TMEM169: variants seen among roughly 807,000 people sequenced by gnomAD.
TMEM169 encodes transmembrane protein 169.
TMEM169 carries 18 observed loss-of-function variants against 27.3 expected under a neutral mutation model. The observed-to-expected ratio is 0.66, with a 90% confidence interval of 0.46 to 0.98. The LOEUF (loss-of-function observed/expected upper bound fraction) is 0.98, where lower values mean the gene tolerates loss of function less well. Among genes scored for constraint, TMEM169 ranks in the 50% least tolerant of loss-of-function variants. The pLI, the probability that TMEM169 is intolerant of heterozygous loss-of-function variation, is 0.00. For missense variants in TMEM169, 320 were observed against 368.6 expected (o/e 0.87, Z 1.08); for synonymous variants, 136 against 142.1 (o/e 0.96, Z 0.30).
Position 216,100,918 on chromosome 2 carries a change from A to T in TMEM169, c.*376A>T. On this transcript the variant is annotated 3_prime_UTR_variant, in exon 3 of 3. Transcript: ENST00000437356. ...AACCTCGGGGTAACCAAATCCACCAAGATAATAGACAGGGATGGAGTGAGA... is the reference window on the plus strand; with the variant it reads ...AACCTCGGGGTAACCAAATCCACCATGATAATAGACAGGGATGGAGTGAGA... 3.3e-6 allele frequency: 1 copy of T among 302,492 alleles called. No individual in the cohort carries two copies. The allele number at this position is 302,492 out of a possible 1,614,324, so 18.7% of individuals were successfully genotyped here. A position where few individuals can be genotyped will look rare whatever the true frequency, so the allele number is the denominator to read the frequency against.
At chr2:216,097,211 G>A (rs1041641603) in intron 2 of TMEM169, among the ~76,000 whole-genome samples, 12 of 152,192 alleles carry the variant, frequency 7.9e-5, no homozygotes, top group East Asian at 1.9e-4. Flanking sequence ...ATTTGTTGAA[G>A]CTAATGCAAC....
chr2:216,099,274 ATGGTGTG>A lies in TMEM169; in HGVS notation c.272-629_272-623del, dbSNP rs370702873. On this transcript the variant is annotated intron_variant, in intron 2 of 2. Transcript: ENST00000437356. The surrounding 1 kb of genome is among the most constrained non-coding windows in gnomAD (Gnocchi z 5.0). ...TGTGTATGTGGTATGTGTGATGTGC[ATGGTGTG>A]TGGTGTGTGGTGTGTGTATGGGATA... is the stretch of plus-strand genomic sequence containing the variant. Among the ~76,000 whole-genome samples, 1,078 of 143,722 alleles carry A rather than the reference ATGGTGTG, an allele frequency of 7.5e-3. 7 individuals are homozygous for A. Among genetic ancestry groups the A allele is most frequent in the African/African-American group, 0.026 (1,016 of 38,622 alleles). The allele number at this position is 143,722 out of a possible 152,430, so 94.3% of individuals were successfully genotyped here. A position where few individuals can be genotyped will look rare whatever the true frequency, so the allele number is the denominator to read the frequency against.
chr2:216,083,380 G>T (rs1448140394), intron 1 of TMEM169, among the ~76,000 whole-genome samples: 2 of 152,104 alleles, frequency 1.3e-5, no homozygotes, highest in African/African-American at 2.4e-5. Flanking sequence ...TTAAGGAAAA[G>T]AAATATTGAT....
chr2:216,090,711 A>G (rs1233565264), intron 1 of TMEM169, among the ~76,000 whole-genome samples: 1 of 152,236 alleles, frequency 6.6e-6, no homozygotes, highest in Non-Finnish European at 1.5e-5. Context: ...CCACCCAGCT[A>G]AGGCACTCCC....
intron 1 of TMEM169, among the ~76,000 whole-genome samples, chr2:216,087,190 C>A (rs557184566): frequency 6.8e-4 from 103 of 152,152 alleles, no homozygotes; most frequent in African/African-American, 2.4e-3. Context: ...GGGAAAATTG[C>A]TACTGAATCC....
At chr2:216,085,892 A>T (rs1695984295) in intron 1 of TMEM169, among the ~76,000 whole-genome samples, 1 of 151,996 alleles carries the variant, frequency 6.6e-6, no homozygotes, top group Admixed American at 6.6e-5. Flanking sequence ...AACAAAAACA[A>T]AAAAAGAATT....
At chr2:216,093,274 C>T (rs1165850561) in intron 1 of TMEM169, among the ~76,000 whole-genome samples, 2 of 151,600 alleles carry the variant, frequency 1.3e-5, no homozygotes, top group Non-Finnish European at 1.5e-5. Flanking sequence ...GTAGAAGAGC[C>T]CTGGTCAAGC....
intron 1 of TMEM169, among the ~76,000 whole-genome samples, chr2:216,094,508 G>A (rs918091619): frequency 6.6e-6 from 1 of 152,050 alleles, no homozygotes; most frequent in East Asian, 1.9e-4. Context: ...GCCATTAACG[G>A]GCTGTTAACT....
In TMEM169 at chr2:216,098,631, C is replaced by T. The variant is rs567893191; in HGVS notation, c.272-1289C>T. On this transcript the variant is annotated intron_variant, in intron 2 of 2. Transcript: ENST00000437356. ...GAGTCCACAGGGCCCAAGGTCCATGCCTGCCTAAAGGCTGTATTTTCCCAT... is the reference window on the plus strand; with the variant it reads ...GAGTCCACAGGGCCCAAGGTCCATGTCTGCCTAAAGGCTGTATTTTCCCAT... Among the ~76,000 whole-genome samples the T allele has an allele frequency of 2.0e-5, 3 of 152,186 alleles. No homozygotes were observed. The South Asian group carries it at 6.2e-4, about 32-fold the overall frequency.
At position 216,096,107 on chromosome 2, in the gene TMEM169, C is replaced by G; in HGVS notation, c.144C>G (p.Arg48=). ...GHRKKKRKES[R]PESIIIYRSD... is the part of the protein sequence containing the mutation. ...GGAAAAAGAAGAGGAAAGAGTCACG[C>G]CCAGAATCCATCATCATCTACCGCT... The change falls in exon 2 of 3, where the codon CGC becomes CGG. Residue 48 remains arginine, a synonymous_variant. Transcript: ENST00000437356. 2 of 1,614,136 alleles carry G rather than the reference C, an allele frequency of 1.2e-6. No individual in the cohort carries two copies. Among genetic ancestry groups the G allele is most frequent in the Non-Finnish European group, 1.7e-6 (2 of 1,180,034 alleles).
Position 216,100,119 on chromosome 2 carries a change from G to T in TMEM169, c.471G>T (p.Gly157=), listed in dbSNP as rs1347195158. 1.9e-6 allele frequency: 3 copies of T among 1,614,014 alleles called. No homozygotes were observed. The highest frequency in any genetic ancestry group is 2.5e-6 in the Non-Finnish European group (3 of 1,180,040). ...RMACQMGADR[G]PHVVLWTLIC... ...CCTGCCAGATGGGAGCTGACCGTGG[G>T]CCCCATGTGGTCCTCTGGACGCTGA... Residue 157 remains glycine, a synonymous_variant, in exon 3 of 3, where the codon GGG becomes GGT. Coordinates refer to ENST00000437356, the MANE Select transcript of TMEM169 (RefSeq NM_001142311.2).
chr2:216,101,531 T>G lies in TMEM169; in HGVS notation c.*989T>G, dbSNP rs1696394575. ...TCTCACTCTGTTGCCGAGGCTGGAG[T>G]GCAGTGGCACTATCTCGGCTCACTG... On this transcript the variant is annotated 3_prime_UTR_variant, in exon 3 of 3. Transcript: ENST00000437356. 1 of 152,358 alleles carries G rather than the reference T, an allele frequency of 6.6e-6. No individual in the cohort carries two copies. Among genetic ancestry groups the G allele is most frequent in the Non-Finnish European group, 1.5e-5 (1 of 68,150 alleles). 9.4% of individuals were successfully genotyped at this position (152,358 alleles called of 1,614,324 possible).
Position 216,101,007 on chromosome 2 carries a change from T to G in TMEM169, c.*465T>G, listed in dbSNP as rs1574441089. 3 of 192,416 alleles carry G rather than the reference T, an allele frequency of 1.6e-5. No homozygotes were observed. The highest frequency in any genetic ancestry group is 5.3e-5 in the Admixed American group (1 of 18,870). The allele number at this position is 192,416 out of a possible 1,614,324, so 11.9% of individuals were successfully genotyped here. ...AAAGATTTGTGTGTATCATTTAGAT[T>G]TAGATTTAGCTGCATAGAATTAAAA... is the stretch of plus-strand genomic sequence containing the variant. On this transcript the variant is annotated 3_prime_UTR_variant, in exon 3 of 3. Transcript: ENST00000437356.
At chr2:216,091,390 CTA>C (rs1696118897) in intron 1 of TMEM169, among the ~76,000 whole-genome samples, 1 of 152,138 alleles carries the variant, frequency 6.6e-6, no homozygotes, top group African/African-American at 2.4e-5. Context: ...AACCCCATCT[CTA>C]CTAAAAATAC....
At chr2:216,095,055 A>G (rs1267112997) in intron 1 of TMEM169, among the ~76,000 whole-genome samples, 1 of 151,204 alleles carries the variant, frequency 6.6e-6, no homozygotes, top group Non-Finnish European at 1.5e-5. Flanking sequence ...TGTATGATTC[A>G]ATAGCCAGAA....
In TMEM169 at chr2:216,101,260, G is replaced by A. The variant is rs1343251867; in HGVS notation, c.*718G>A. On this transcript the variant is annotated 3_prime_UTR_variant, in exon 3 of 3. Transcript: ENST00000437356. ...ATGTTTCTGATAAAATAGAGGAAAGGGCAGAGAAGCACACACCCTTCCTGT... is the reference window on the plus strand; with the variant it reads ...ATGTTTCTGATAAAATAGAGGAAAGAGCAGAGAAGCACACACCCTTCCTGT... The A allele has an allele frequency of 6.5e-6, 1 of 153,258 alleles. No homozygotes were observed. The highest frequency in any genetic ancestry group is 1.5e-5 in the Non-Finnish European group (1 of 68,848). The allele number at this position is 153,258 out of a possible 1,614,324, so 9.5% of individuals were successfully genotyped here. A position where few individuals can be genotyped will look rare whatever the true frequency, so the allele number is the denominator to read the frequency against.
intron 2 of TMEM169, among the ~76,000 whole-genome samples, chr2:216,098,873 A>T (rs1696321780): frequency 6.8e-6 from 1 of 147,468 alleles, no homozygotes; most frequent in Non-Finnish European, 1.5e-5. Flanking sequence ...TATATGGTGT[A>T]CGTATGTGTG....
chr2:216,094,295 C>T (rs1018871829), intron 1 of TMEM169, among the ~76,000 whole-genome samples: 2 of 152,204 alleles, frequency 1.3e-5, no homozygotes, highest in African/African-American at 2.4e-5. Context: ...ATATCCATAG[C>T]GGGTACCACT....
Position 216,100,177 on chromosome 2 carries a change from G to C in TMEM169, c.529G>C (p.Val177Leu), listed in dbSNP as rs749109987. The C allele has an allele frequency of 9.3e-6, 15 of 1,613,966 alleles. No individual in the cohort carries two copies. Among genetic ancestry groups the C allele is most frequent in the Non-Finnish European group, 1.3e-5 (15 of 1,180,016 alleles). Residue 177 changes from valine (V) to leucine (L), a missense_variant, in exon 3 of 3, where the codon GTT becomes CTT. Coordinates refer to ENST00000437356, the MANE Select transcript of TMEM169 (RefSeq NM_001142311.2). Reference protein sequence around the residue: ...CLPVVFILSFVVSFYYGTITW... With the variant: ...CLPVVFILSFLVSFYYGTITW... ...GCCTGTGGTTTTCATCCTTTCTTTT[G>C]TTGTCTCTTTCTACTACGGCACTAT...
Sources: allele counts gnomAD v4.1 joint callset (sites outside exome capture counted in the v4.1 genomes callset), GRCh38; gene constraint gnomAD v4.1.1; non-coding constraint Gnocchi (gnomAD v3.1); transcripts MANE v1.5; gene names NCBI Gene and HGNC (gene_info 2026-07-23, HGNC 2026-07-21).